The following FREM2 variants were observed in gnomAD, a reference collection of about 807,000 sequenced individuals.
FREM2 encodes FRAS1 related extracellular matrix 2.
FREM2 carries 119 observed loss-of-function variants against 219.9 expected under a neutral mutation model. The ratio of observed to expected loss-of-function variants is 0.54; its 90% CI spans 0.47 to 0.63. FREM2 has a LOEUF of 0.63. Among genes scored for constraint, FREM2 ranks in the 30% least tolerant of loss-of-function variants. The pLI is 0.00. For missense variants in FREM2, 4,030 were observed against 3,993.6 expected (o/e 1.01, Z -0.25); for synonymous variants, 1,562 against 1,522.8 (o/e 1.03, Z -0.60).
chr13:38,809,609 C>T (rs1875394948), intron 6 of FREM2, among the ~76,000 whole-genome samples: 1 of 151,970 alleles, frequency 6.6e-6, no homozygotes, highest in Admixed American at 6.6e-5. Context: ...TTCTCAGCAC[C>T]TTTGTCAGAA....
At chr13:38,733,328 C>G (rs1351071596) in intron 2 of FREM2, among the ~76,000 whole-genome samples, 13 of 132,374 alleles carry the variant, frequency 9.8e-5, no homozygotes, top group Non-Finnish European at 1.8e-4. Context: ...TTTTTTTTTT[C>G]TAATGATGGT....
At chr13:38,745,495 A>G (rs1183717209) in intron 2 of FREM2, among the ~76,000 whole-genome samples, 1 of 152,158 alleles carries the variant, frequency 6.6e-6, no homozygotes, top group Non-Finnish European at 1.5e-5. Flanking sequence ...CTGCTATTTA[A>G]TCACTTCCCT....
rs1310086019 is a variant in FREM2 at position 38,883,803 on chromosome 13, A to G, written c.*3016A>G. 2 of 152,214 alleles carry G rather than the reference A, an allele frequency of 1.3e-5. No individual in the cohort carries two copies. Among genetic ancestry groups the G allele is most frequent in the Admixed American group, 6.5e-5 (1 of 15,284 alleles). The allele number at this position is 152,214 out of a possible 1,614,324, so 9.4% of individuals were successfully genotyped here. ...TGAACCATAATTTAAAAATCTTTCTAGAATAACAACAGCAGACTCCACTCT... is the reference window on the plus strand; with the variant it reads ...TGAACCATAATTTAAAAATCTTTCTGGAATAACAACAGCAGACTCCACTCT... On this transcript the variant is annotated 3_prime_UTR_variant, in exon 24 of 24. Coordinates refer to ENST00000280481, the MANE Select transcript of FREM2 (RefSeq NM_207361.6).
At position 38,883,899 on chromosome 13, in the gene FREM2, A is replaced by G. The variant is rs953900540; in HGVS notation, c.*3112A>G. On this transcript the variant is annotated 3_prime_UTR_variant, in exon 24 of 24. Coordinates refer to ENST00000280481, the MANE Select transcript of FREM2 (RefSeq NM_207361.6). ...AGATTTATACAAAATGATTCAAACC[A>G]GTAACTTAGTAAAATTGACCTTCGC... The G allele has an allele frequency of 1.3e-5, 2 of 152,240 alleles. No individual in the cohort carries two copies. Among genetic ancestry groups the G allele is most frequent in the Non-Finnish European group, 2.9e-5 (2 of 68,038 alleles). The allele number at this position is 152,240 out of a possible 1,614,324, so 9.4% of individuals were successfully genotyped here. A position where few individuals can be genotyped will look rare whatever the true frequency, so the allele number is the denominator to read the frequency against.
intron 2 of FREM2, among the ~76,000 whole-genome samples, chr13:38,756,211 G>A (rs970341595): frequency 2.6e-5 from 4 of 152,190 alleles, no homozygotes; most frequent in Admixed American, 6.5e-5. Flanking sequence ...TAATTATTCA[G>A]CGCAGTTACG....
rs748022903 is a variant in FREM2 at position 38,688,169 on chromosome 13, A to G, written c.825A>G (p.Pro275=). 8 of 1,613,600 alleles carry G rather than the reference A, an allele frequency of 5.0e-6. No homozygotes were observed. In the South Asian group the frequency reaches 7.7e-5, roughly 16 times the overall value. ...GCCACACAGCCGCCAGTCGCTCACCAAACAGGGACTGGATACCCATGGTGG... is the reference window on the plus strand; with the variant it reads ...GCCACACAGCCGCCAGTCGCTCACCGAACAGGGACTGGATACCCATGGTGG... ...RYRHTAASRS[P]NRDWIPMVVE... is the part of the protein sequence containing the mutation. The change falls in exon 1 of 24, where the codon CCA becomes CCG. Residue 275 remains proline (P), a synonymous_variant. Transcript: ENST00000280481.
At position 38,689,035 on chromosome 13, in the gene FREM2, A is replaced by G. The variant is rs116144150; in HGVS notation, c.1691A>G (p.Asn564Ser). Residue 564 changes from asparagine (N) to serine (S), a missense_variant, in exon 1 of 24, where the codon AAT becomes AGT. By Grantham distance (46) the Asn-to-Ser change is conservative. Transcript: ENST00000280481. ...VPVDDQPPVL[N>S]ANTGLTLAEG... The stretch of plus-strand genomic sequence containing the variant: ...GTGGATGACCAGCCACCTGTTCTCA[A>G]TGCCAACACGGGGCTGACACTGGCA... 1.4e-5 allele frequency: 23 copies of G among 1,613,726 alleles called. 1 individual carries two copies. Among genetic ancestry groups the G allele is most frequent in the Middle Eastern group, 3.3e-4 (2 of 6,058 alleles).
chr13:38,756,532 T>A (rs1273270660), intron 2 of FREM2, among the ~76,000 whole-genome samples: 1 of 147,602 alleles, frequency 6.8e-6, no homozygotes, highest in East Asian at 2.0e-4. Context: ...ACCTTTTTTT[T>A]TTTTTTTTTT....
In FREM2 at chr13:38,846,594, A is replaced by G. The variant is rs548838018; in HGVS notation, c.6041A>G (p.Asp2014Gly). The change falls in exon 7 of 24, where the codon GAT (aspartate) becomes GGT (glycine). Residue 2014 changes from aspartate to glycine, a missense_variant. This residue lies in a region of FREM2 where 3,102 missense variants were observed against 2,950.7 expected (regional missense o/e 1.05). Coordinates refer to ENST00000280481, the MANE Select transcript of FREM2 (RefSeq NM_207361.6). ...ACAGAACCCATCTTTTACTTCGGTG[A>G]TGTGGAATACTCTGTGGATGAGAGT... The part of the protein sequence containing the change: ...KDDEPIFYFG[D>G]VEYSVDESAG... 3.7e-6 allele frequency: 6 copies of G among 1,613,708 alleles called. No individual in the cohort carries two copies. In the African/African-American group the frequency reaches 4.0e-5, roughly 11 times the overall value.
At chr13:38,741,205 A>G (rs975274823) in intron 2 of FREM2, among the ~76,000 whole-genome samples, 1 of 152,198 alleles carries the variant, frequency 6.6e-6, no homozygotes, top group African/African-American at 2.4e-5. Context: ...ACTGCCTCTT[A>G]GGCCAATATG....
chr13:38,797,705 AT>A (rs572132818), intron 6 of FREM2, among the ~76,000 whole-genome samples: 1 of 151,122 alleles, frequency 6.6e-6, no homozygotes, highest in African/African-American at 2.4e-5. Context: ...AGTTTTCCCC[AT>A]TTTTTTCCTA....
chr13:38,706,527 C>T (rs1870547071), intron 2 of FREM2, among the ~76,000 whole-genome samples: 1 of 150,446 alleles, frequency 6.6e-6, no homozygotes, highest in African/African-American at 2.4e-5. Flanking sequence ...TTACTGGGGT[C>T]ATTGGAAAAT....
chr13:38,858,706 T>C (rs1877649927), intron 13 of FREM2, among the ~76,000 whole-genome samples: 1 of 152,320 alleles, frequency 6.6e-6, no homozygotes, highest in South Asian at 2.1e-4. Flanking sequence ...AGAGATAATT[T>C]GGCGTCAAAG....
chr13:38,705,621 G>T (rs1870508489), intron 2 of FREM2, among the ~76,000 whole-genome samples: 1 of 152,008 alleles, frequency 6.6e-6, no homozygotes, highest in East Asian at 1.9e-4. Context: ...TTATAAAGTT[G>T]GGATAATAAC....
chr13:38,780,012 T>G (rs1427229333), intron 4 of FREM2, among the ~76,000 whole-genome samples: 1 of 152,210 alleles, frequency 6.6e-6, no homozygotes, highest in East Asian at 1.9e-4. Context: ...AGATCCATTC[T>G]CTTCTTTATC....
rs1171090440 is a variant in FREM2 at position 38,885,157 on chromosome 13, G to A, written c.*4370G>A. The A allele has an allele frequency of 1.3e-5, 2 of 152,210 alleles. No homozygotes were observed. The highest frequency in any genetic ancestry group is 3.9e-4 in the East Asian group (2 of 5,184). 9.4% of individuals were successfully genotyped at this position (152,210 alleles called of 1,614,324 possible). A position where few individuals can be genotyped will look rare whatever the true frequency, so the allele number is the denominator to read the frequency against. On this transcript the variant is annotated 3_prime_UTR_variant, in exon 24 of 24. Transcript: ENST00000280481. The stretch of plus-strand genomic sequence containing the variant: ...TTTGATAAAACATGTTAAAATAGAA[G>A]GACATGATATTTTTCTATAGTTTCC...
rs753339723 is a variant in FREM2, at chr13:38,880,448, C to T, written c.9171C>T (p.Ser3057=). The part of the protein sequence containing the change: ...TKSRKKREIR[S]TPSLAWEIGA... ...GCCGGAAGAAGAGAGAGATCAGGAG[C>T]ACACCCTCACTGGCATGGGAGATTG... The change falls in exon 24 of 24, where the codon AGC becomes AGT. Residue 3057 remains serine, a synonymous_variant. Coordinates refer to ENST00000280481, the MANE Select transcript of FREM2 (RefSeq NM_207361.6). The T allele has an allele frequency of 1.9e-6, 3 of 1,614,012 alleles. No homozygotes were observed. Among genetic ancestry groups the T allele is most frequent in the East Asian group, 2.2e-5 (1 of 44,884 alleles).
intron 4 of FREM2, among the ~76,000 whole-genome samples, chr13:38,782,040 T>C (rs563515864): frequency 2.2e-4 from 34 of 152,192 alleles, no homozygotes; most frequent in Non-Finnish European, 4.4e-4. Flanking sequence ...GGAGCCAGAA[T>C]GTAAGGGAAA....
intron 2 of FREM2, among the ~76,000 whole-genome samples, chr13:38,747,827 C>T (rs1872550585): frequency 6.6e-6 from 1 of 152,182 alleles, no homozygotes; most frequent in Non-Finnish European, 1.5e-5. Flanking sequence ...ATCTGTTTAT[C>T]AGCCTTAAAG....
Sources: gnomAD v4.1 joint callset for allele counts (sites outside exome capture counted in the v4.1 genomes callset) on GRCh38, gnomAD v4.1.1 for gene constraint, gnomAD v4.1.1 regional missense constraint, MANE v1.5 for transcripts, NCBI Gene and HGNC (gene_info 2026-07-23, HGNC 2026-07-21) for gene names.